PID1: variants seen among roughly 807,000 people sequenced by gnomAD.
PID1 encodes the protein PTB-containing, cubilin and LRP1-interacting protein.
A neutral mutation model predicts 19.1 loss-of-function variants in PID1; 10 were observed. The ratio of observed to expected loss-of-function variants is 0.52; its 90% CI spans 0.32 to 0.89. PID1 has a LOEUF of 0.89. PID1 is among the 40% of genes least tolerant of loss of function. The pLI, the probability that PID1 is intolerant of heterozygous loss-of-function variation, is 0.03. For missense variants in PID1, 248 were observed against 285.3 expected, an observed-to-expected ratio of 0.87 and a Z score of 0.94; for synonymous variants, 130 against 116.0, an observed-to-expected ratio of 1.12 and a Z score of -0.78.
chr2:229,027,373 G>A (rs1047566954), intron 2 of PID1, among the ~76,000 whole-genome samples: 2 of 152,166 alleles, frequency 1.3e-5, no homozygotes, highest in African/African-American at 2.4e-5. Flanking sequence ...ATGAAACTGG[G>A]GAGGGCCGAA....
chr2:229,219,651 A>G (rs1374703521), intron 1 of PID1, among the ~76,000 whole-genome samples: 1 of 152,050 alleles, frequency 6.6e-6, no homozygotes, highest in African/African-American at 2.4e-5. Context: ...CTCCCACCTC[A>G]GCCTCCCAAG....
At chr2:229,263,047 C>A (rs1451255184) in intron 1 of PID1, among the ~76,000 whole-genome samples, 2 of 152,182 alleles carry the variant, frequency 1.3e-5, no homozygotes, top group Non-Finnish European at 2.9e-5. Context: ...TAGGGGAACA[C>A]AATTCAACCT....
At chr2:229,191,743 T>G (rs1691264658) in intron 1 of PID1, among the ~76,000 whole-genome samples, 1 of 152,230 alleles carries the variant, frequency 6.6e-6, no homozygotes, top group Non-Finnish European at 1.5e-5. Context: ...TTTTAAAAAT[T>G]GGTTAGTCAA....
chr2:229,148,618 G>C (rs1287138491), intron 2 of PID1, among the ~76,000 whole-genome samples: 1 of 152,042 alleles, frequency 6.6e-6, no homozygotes, highest in East Asian at 1.9e-4. Flanking sequence ...ATATGTAAGT[G>C]TACAATCCTG....
At chr2:229,104,918 T>C (rs1242990125) in intron 2 of PID1, among the ~76,000 whole-genome samples, 1 of 152,210 alleles carries the variant, frequency 6.6e-6, no homozygotes, top group Non-Finnish European at 1.5e-5. Context: ...CAACTCTTTA[T>C]AGGCCTGAAT....
intron 2 of PID1, among the ~76,000 whole-genome samples, chr2:229,148,123 T>C (rs898721863): frequency 1.1e-4 from 17 of 152,238 alleles, no homozygotes; most frequent in African/African-American, 3.4e-4. Flanking sequence ...TGGGAAGTTT[T>C]AATTCCTAGT....
intron 2 of PID1, among the ~76,000 whole-genome samples, chr2:229,094,952 G>T (rs544598563): frequency 2.2e-4 from 34 of 152,074 alleles, no homozygotes; most frequent in Non-Finnish European, 4.0e-4. Context: ...TGCTACACAC[G>T]ATACGTTACA....
intron 2 of PID1, among the ~76,000 whole-genome samples, chr2:229,054,931 G>A (rs1347507458): frequency 6.6e-6 from 1 of 152,056 alleles, no homozygotes; most frequent in Non-Finnish European, 1.5e-5. Flanking sequence ...TTTTCTGAAA[G>A]TTACTGTCTT....
intron 2 of PID1, among the ~76,000 whole-genome samples, chr2:229,108,839 A>G (rs1014626085): frequency 6.6e-6 from 1 of 152,200 alleles, no homozygotes; most frequent in Non-Finnish European, 1.5e-5. Flanking sequence ...AGAATAAAAA[A>G]AAGTGCCTAA....
intron 2 of PID1, among the ~76,000 whole-genome samples, chr2:229,031,214 T>TAA (rs1274567780): frequency 4.0e-5 from 1 of 24,972 alleles, no homozygotes; most frequent in African/African-American, 1.8e-4. Flanking sequence ...AGACTCTGTC[T>TAA]CAAAAAAAAA....
chr2:229,145,158 T>TAC, intron 2 of PID1, among the ~76,000 whole-genome samples: 1 of 32,126 alleles, frequency 3.1e-5, no homozygotes, highest in African/African-American at 8.0e-5. Flanking sequence ...TGTATGTGTA[T>TAC]ATATATATAT....
chr2:229,237,585 G>C (rs887316377), intron 1 of PID1, among the ~76,000 whole-genome samples: 2 of 152,148 alleles, frequency 1.3e-5, no homozygotes, highest in African/African-American at 2.4e-5. Flanking sequence ...TAAGTGGTGT[G>C]AGAAAAGGGA....
Position 229,184,896 on chromosome 2 carries a change from T to C in PID1, c.31-28932A>G, listed in dbSNP as rs1197167763. Reference sequence around the variant, plus strand: ...CATATTGTATCCCATATATGTATCCTATATATGTATCCCATATATATCCTA... The same window carrying C: ...CATATTGTATCCCATATATGTATCCCATATATGTATCCCATATATATCCTA... On this transcript the variant is annotated intron_variant, in intron 1 of 2. Transcript: ENST00000392055. Among the ~76,000 whole-genome samples the C allele has an allele frequency of 5.6e-5, 8 of 143,208 alleles. No individual in the cohort carries two copies. In the Admixed American group the frequency reaches 5.8e-4, roughly 10 times the overall value. The allele number at this position is 143,208 out of a possible 152,430, so 94.0% of individuals were successfully genotyped here. A position where few individuals can be genotyped will look rare whatever the true frequency, so the allele number is the denominator to read the frequency against.
intron 2 of PID1, among the ~76,000 whole-genome samples, chr2:229,050,965 G>C (rs1303934280): frequency 6.6e-6 from 1 of 152,160 alleles, no homozygotes; most frequent in East Asian, 1.9e-4. Context: ...GGCCAGCAAT[G>C]CATACAATGA....
At chr2:229,091,939 A>G (rs183380239) in intron 2 of PID1, among the ~76,000 whole-genome samples, 1 of 152,294 alleles carries the variant, frequency 6.6e-6, no homozygotes, top group East Asian at 1.9e-4. Flanking sequence ...TTCATAAACA[A>G]GCTACTCCTG....
At chr2:229,132,024 T>C (rs1296982672) in intron 2 of PID1, among the ~76,000 whole-genome samples, 1 of 152,180 alleles carries the variant, frequency 6.6e-6, no homozygotes, top group African/African-American at 2.4e-5. Context: ...TTCTCGCATC[T>C]GGTTTCTTGA....
At chr2:229,163,559 T>G (rs2106202545) in intron 1 of PID1, among the ~76,000 whole-genome samples, 1 of 151,744 alleles carries the variant, frequency 6.6e-6, no homozygotes, top group East Asian at 1.9e-4. Context: ...GGAACCAAAA[T>G]AACTCCGTGC....
At chr2:229,144,166 A>G (rs1690077017) in intron 2 of PID1, among the ~76,000 whole-genome samples, 1 of 152,210 alleles carries the variant, frequency 6.6e-6, no homozygotes. Flanking sequence ...TAAAAGGCAC[A>G]CAATGTTTAC....
chr2:229,265,142 AT>A (rs904093527), intron 1 of PID1, among the ~76,000 whole-genome samples: 86 of 149,868 alleles, frequency 5.7e-4, no homozygotes, highest in South Asian at 1.1e-3. Flanking sequence ...TTTTTTCGTT[AT>A]TTTTTTTTTA....
Sources: allele counts gnomAD v4.1 joint callset (sites outside exome capture counted in the v4.1 genomes callset), GRCh38; gene constraint gnomAD v4.1.1; transcripts MANE v1.5; gene names NCBI Gene and HGNC (gene_info 2026-07-23, HGNC 2026-07-21).